JPH1: variants seen among roughly 807,000 people sequenced by gnomAD.
JPH1 encodes junctophilin-1.
A neutral mutation model predicts 53.6 loss-of-function variants in JPH1; 12 were observed. The ratio of observed to expected loss-of-function variants is 0.22; its 90% CI spans 0.14 to 0.36. The LOEUF (loss-of-function observed/expected upper bound fraction) is 0.36. Ranked by LOEUF, JPH1 falls within the 10% of genes least tolerant of loss-of-function variation. The probability of loss-of-function intolerance (pLI) is 1.00; values close to 1 mark genes in which losing one functional copy is unlikely to be tolerated. For missense variants in JPH1, 808 were observed against 905.5 expected (o/e 0.89, Z 1.38); for synonymous variants, 375 against 363.8 (o/e 1.03, Z -0.35).
chr8:74,311,504 A>C (rs1353748435), intron 2 of JPH1, among the ~76,000 whole-genome samples: 1 of 149,916 alleles, frequency 6.7e-6, no homozygotes, highest in Non-Finnish European at 1.5e-5. Context: ...TCTTATTTTT[A>C]AGGCTTTTTA....
At chr8:74,257,920 C>T (rs898631018) in intron 3 of JPH1, among the ~76,000 whole-genome samples, 52 of 152,036 alleles carry the variant, frequency 3.4e-4, no homozygotes, top group Non-Finnish European at 6.9e-4. Context: ...TTATAAAAAC[C>T]GAATCTTCTT....
At chr8:74,311,369 G>C (rs1315792380) in intron 2 of JPH1, among the ~76,000 whole-genome samples, 1 of 152,140 alleles carries the variant, frequency 6.6e-6, no homozygotes, top group South Asian at 2.1e-4. Flanking sequence ...CAACCATAGA[G>C]GGGTCAGATA....
At chr8:74,245,217 A>AT in intron 3 of JPH1, 42 bp from the exon 4 acceptor site, 1 of 1,488,294 alleles carries the variant, frequency 6.7e-7, no homozygotes, top group Non-Finnish European at 8.9e-7. Context: ...GAAAGGAGGT[A>AT]TATATACATA....
At position 74,320,110 on chromosome 8, in the gene JPH1, T is replaced by C. The variant is rs947549667; in HGVS notation, c.379+799A>G. On this transcript the variant is annotated intron_variant, in intron 1 of 5. Transcript: ENST00000342232. This position sits in a 1 kb window ranked among gnomAD's most constrained non-coding sequence, Gnocchi z 4.4. ...GTAGTAGCTGCTAACTTAGCAGCTA[T>C]AGGAACACACCTGCTAATTGTATTC... Among the ~76,000 whole-genome samples the C allele has an allele frequency of 2.6e-5, 4 of 152,224 alleles. No individual in the cohort carries two copies. The highest frequency in any genetic ancestry group is 9.6e-5 in the African/African-American group (4 of 41,458).
intron 2 of JPH1, among the ~76,000 whole-genome samples, chr8:74,304,180 A>G (rs963635543): frequency 2.0e-5 from 3 of 152,222 alleles, no homozygotes; most frequent in Non-Finnish European, 4.4e-5. Context: ...CTGCTTTTTC[A>G]TCTGTCCTAA....
Position 74,321,279 on chromosome 8 carries a change from G to A in JPH1, c.9C>T (p.Gly3=), listed in dbSNP as rs761429402. ...CGCCATCGTCGAAGTCGAACCTTCC[G>A]CCCGTCATTCGGGGGGCAGCCCCGG... MT[G]GRFDFDDGGT... is the part of the protein sequence containing the mutation. The change falls in exon 1 of 6, where the codon GGC becomes GGT. Residue 3 remains glycine, a synonymous_variant. Coordinates refer to ENST00000342232, the MANE Select transcript of JPH1 (RefSeq NM_020647.4). This position sits in a 1 kb window ranked among gnomAD's most constrained non-coding sequence, Gnocchi z 4.3. 1.3e-6 allele frequency: 2 copies of A among 1,578,068 alleles called. No homozygotes were observed. Among genetic ancestry groups the A allele is most frequent in the African/African-American group, 2.7e-5 (2 of 73,810 alleles).
Position 74,314,848 on chromosome 8 carries a change from T to G in JPH1, c.1139+13A>C. ...ACCAACCCAGCAAAACCAACCACCC[T>G]GCATTTACTTACCTTGAATTTGCTA... On this transcript the variant is annotated intron_variant, in intron 2 of 5. Coordinates refer to ENST00000342232, the MANE Select transcript of JPH1 (RefSeq NM_020647.4). 6.2e-7 allele frequency: 1 copy of G among 1,613,730 alleles called. No homozygotes were observed. The highest frequency in any genetic ancestry group is 8.5e-7 in the Non-Finnish European group (1 of 1,179,956).
chr8:74,252,172 C>A (rs1405903745), intron 3 of JPH1, among the ~76,000 whole-genome samples: 3 of 152,088 alleles, frequency 2.0e-5, no homozygotes, highest in Non-Finnish European at 4.4e-5. Flanking sequence ...AAAATTAATT[C>A]AAGATGGATT....
intron 3 of JPH1, among the ~76,000 whole-genome samples, chr8:74,257,239 GACA>G (rs1484530240): frequency 6.6e-6 from 1 of 152,190 alleles, no homozygotes; most frequent in Non-Finnish European, 1.5e-5. Context: ...ATTCCTGACG[GACA>G]ACTTGCTTAT....
chr8:74,271,245 C>T (rs1806690647), intron 2 of JPH1, among the ~76,000 whole-genome samples: 1 of 152,042 alleles, frequency 6.6e-6, no homozygotes, highest in African/African-American at 2.4e-5. Flanking sequence ...AAGCTACCCA[C>T]CAACACCCCA....
chr8:74,285,280 T>C lies in JPH1; in HGVS notation c.1140-25777A>G, dbSNP rs139409020. On this transcript the variant is annotated intron_variant, in intron 2 of 5. Coordinates refer to ENST00000342232, the MANE Select transcript of JPH1 (RefSeq NM_020647.4). ...ACACACATATACATGAATTTTTCCA[T>C]ATAAATACTATATCTACTTTATGAA... is the stretch of plus-strand genomic sequence containing the variant. Among the ~76,000 whole-genome samples the C allele has an allele frequency of 5.4e-3, 819 of 152,212 alleles. 3 individuals carry two copies. The highest frequency in any genetic ancestry group is 0.017 in the African/African-American group (702 of 41,526).
rs1808116339 is a variant in JPH1, at chr8:74,315,351, G to C, written c.649C>G (p.Leu217Val). The change falls in exon 2 of 6, where the codon CTT becomes GTT. Residue 217 changes from leucine (L) to valine (V), a missense_variant. Leu to Val is a conservative substitution (Grantham distance 32). Transcript: ENST00000342232. The surrounding 1 kb of genome is among the most constrained non-coding windows in gnomAD (Gnocchi z 6.3). ...TTGCGAAGTTTCATGCTTCCAAGAAGGGAGCCCCTCCGGAAGAGGCCGCCC... is the reference window on the plus strand; with the variant it reads ...TTGCGAAGTTTCATGCTTCCAAGAACGGAGCCCCTCCGGAAGAGGCCGCCC... ...KKGGLFRRGS[L>V]LGSMKLRKSE... is the part of the protein sequence containing the mutation. 6.2e-7 allele frequency: 1 copy of C among 1,613,308 alleles called. No individual in the cohort carries two copies. The highest frequency in any genetic ancestry group is 8.5e-7 in the Non-Finnish European group (1 of 1,179,996).
intron 2 of JPH1, among the ~76,000 whole-genome samples, chr8:74,282,772 T>C (rs1056326195): frequency 6.6e-6 from 1 of 152,180 alleles, no homozygotes; most frequent in African/African-American, 2.4e-5. Context: ...TAGTTAACAA[T>C]TCATTATGCA....
intron 2 of JPH1, among the ~76,000 whole-genome samples, chr8:74,275,724 G>A (rs1294911447): frequency 3.3e-5 from 5 of 152,126 alleles, no homozygotes; most frequent in African/African-American, 1.2e-4. Flanking sequence ...AACAGACAAT[G>A]GGAGCATAAC....
At chr8:74,285,730 G>A (rs750586395) in intron 2 of JPH1, among the ~76,000 whole-genome samples, 8 of 152,214 alleles carry the variant, frequency 5.3e-5, no homozygotes, top group African/African-American at 1.9e-4. Context: ...TATGCAACAT[G>A]TTGCTTTTCT....
chr8:74,264,977 C>A (rs1025973769), intron 2 of JPH1, among the ~76,000 whole-genome samples: 1 of 152,100 alleles, frequency 6.6e-6, no homozygotes, highest in Non-Finnish European at 1.5e-5. Flanking sequence ...GTTAAGGCTA[C>A]CTAGAAACTT....
At chr8:74,272,665 G>A (rs1220976834) in intron 2 of JPH1, among the ~76,000 whole-genome samples, 2 of 148,044 alleles carry the variant, frequency 1.4e-5, no homozygotes, top group East Asian at 2.0e-4. Context: ...GTGCAGTGGC[G>A]CGATCTCGAC....
At chr8:74,313,656 C>T (rs1374299034) in intron 2 of JPH1, among the ~76,000 whole-genome samples, 1 of 150,692 alleles carries the variant, frequency 6.6e-6, no homozygotes, top group Non-Finnish European at 1.5e-5. Flanking sequence ...CATATGGCTC[C>T]ATCAAAAAAA....
In JPH1 at chr8:74,237,270, G is replaced by A. The variant is rs2131371041; in HGVS notation, c.1939C>T (p.Leu647=). 2 of 1,613,404 alleles carry A rather than the reference G, an allele frequency of 1.2e-6. No individual in the cohort carries two copies. Among genetic ancestry groups the A allele is most frequent in the East Asian group, 2.2e-5 (1 of 44,844 alleles). ...PNSIMIVLVM[L]LNIGLAILFV... ...AGAATGGCCAACCCGATATTCAACA[G>A]CATGACAAGGACAATCATGATTGAA... is the stretch of plus-strand genomic sequence containing the variant. Residue 647 remains leucine, a synonymous_variant, in exon 5 of 6, where the codon CTG becomes TTG. Transcript: ENST00000342232.
Sources: gnomAD v4.1 joint callset for allele counts (sites outside exome capture counted in the v4.1 genomes callset) on GRCh38, gnomAD v4.1.1 for gene constraint, Gnocchi (gnomAD v3.1) non-coding constraint, MANE v1.5 for transcripts, NCBI Gene and HGNC (gene_info 2026-07-23, HGNC 2026-07-21) for gene names.